KIF3B: variants seen among roughly 807,000 people sequenced by gnomAD.
KIF3B encodes the protein kinesin-like protein KIF3B.
A neutral mutation model predicts 74.3 loss-of-function variants in KIF3B; 38 were observed. That is an observed-to-expected ratio of 0.51 (90% CI 0.39 to 0.67). The LOEUF is 0.67. Ranked by LOEUF, KIF3B falls within the 30% of genes least tolerant of loss-of-function variation. KIF3B has a pLI of 0.00. For synonymous variants in KIF3B, 326 were observed against 342.5 expected (o/e 0.95, Z 0.53); for missense variants, 649 against 932.0 (o/e 0.70, Z 3.95).
chr20:32,298,124 T>C (rs1256622402), intron 1 of KIF3B, among the ~76,000 whole-genome samples: 1 of 121,872 alleles, frequency 8.2e-6, no homozygotes, highest in East Asian at 4.9e-4. Context: ...AAAAAAAAAT[T>C]GTTGTTTTTT....
intron 1 of KIF3B, among the ~76,000 whole-genome samples, chr20:32,308,778 C>T (rs1475785964): frequency 5.5e-5 from 8 of 146,444 alleles, no homozygotes; most frequent in African/African-American, 1.0e-4. Context: ...CAGGCTGGAG[C>T]GCAGTGCCAG....
At chr20:32,282,345 A>G (rs1474905763) in intron 1 of KIF3B, among the ~76,000 whole-genome samples, 1 of 152,200 alleles carries the variant, frequency 6.6e-6, no homozygotes, top group Non-Finnish European at 1.5e-5. Flanking sequence ...TAGAGATGCC[A>G]TCTGCCTCTG....
Position 32,331,512 on chromosome 20 carries a change from A to G in KIF3B, c.*193A>G. ...TAATCTGGCACTCAGCCCCTCTGGG[A>G]AACATCTTTTAATTAGCATCTCAGA... On this transcript the variant is annotated 3_prime_UTR_variant, in exon 9 of 9. Coordinates refer to ENST00000375712, the MANE Select transcript of KIF3B (RefSeq NM_004798.4). 3 of 558,270 alleles carry G rather than the reference A, an allele frequency of 5.4e-6. No homozygotes were observed. The highest frequency in any genetic ancestry group is 9.3e-6 in the Non-Finnish European group (3 of 321,704). The allele number at this position is 558,270 out of a possible 1,614,324, so 34.6% of individuals were successfully genotyped here. A position where few individuals can be genotyped will look rare whatever the true frequency, so the allele number is the denominator to read the frequency against.
chr20:32,307,681 G>T lies in KIF3B; in HGVS notation c.-65-2032G>T, dbSNP rs531956909. On this transcript the variant is annotated intron_variant, in intron 1 of 8. Coordinates refer to ENST00000375712, the MANE Select transcript of KIF3B (RefSeq NM_004798.4). Reference sequence around the variant, plus strand: ...ACTTTTTTTCATTTGTTTAAGAAAAGGTTTTTTTGGGAGGCCGAGGTGGGT... The same window carrying T: ...ACTTTTTTTCATTTGTTTAAGAAAATGTTTTTTTGGGAGGCCGAGGTGGGT... Among the ~76,000 whole-genome samples, 3 of 152,134 alleles carry T rather than the reference G, an allele frequency of 2.0e-5. No individual in the cohort carries two copies. In the South Asian group the frequency reaches 6.2e-4, roughly 32 times the overall value.
In KIF3B at chr20:32,319,276, C is replaced by T. The variant is rs144784704; in HGVS notation, c.1748+2402C>T. Among the ~76,000 whole-genome samples, 301 of 151,240 alleles carry T rather than the reference C, an allele frequency of 2.0e-3. 1 individual carries two copies. Among genetic ancestry groups the T allele is most frequent in the African/African-American group, 6.6e-3 (274 of 41,254 alleles). On this transcript the variant is annotated intron_variant, in intron 5 of 8. Transcript: ENST00000375712. ...ATGCCCGGCCTCTCCACATCCTTGT[C>T]GACACTTGTTATTTCCTGTCTCTTT...
rs763152915 is a variant in KIF3B, at chr20:32,310,728, G to T, written c.951G>T (p.Val317=). 3 of 1,614,132 alleles carry T rather than the reference G, an allele frequency of 1.9e-6. No individual in the cohort carries two copies. Among genetic ancestry groups the T allele is most frequent in the East Asian group, 2.2e-5 (1 of 44,878 alleles). Residue 317 remains valine, a synonymous_variant, in exon 2 of 9, where the codon GTG becomes GTT. Transcript: ENST00000375712. The surrounding 1 kb of genome is among the most constrained non-coding windows in gnomAD (Gnocchi z 6.5). ...GNAKTVMVAN[V]GPASYNVEET... ...CCAAGACTGTGATGGTGGCCAACGT[G>T]GGGCCTGCCTCTTACAACGTAGAAG... is the stretch of plus-strand genomic sequence containing the variant.
chr20:32,319,253 G>A (rs369017131), intron 5 of KIF3B, among the ~76,000 whole-genome samples: 1 of 152,046 alleles, frequency 6.6e-6, no homozygotes, highest in East Asian at 1.9e-4. Flanking sequence ...GAGCCACCAT[G>A]CCCGGCCTCT....
chr20:32,283,228 G>A (rs1004781881), intron 1 of KIF3B, among the ~76,000 whole-genome samples: 3 of 152,200 alleles, frequency 2.0e-5, no homozygotes, highest in East Asian at 3.9e-4. Flanking sequence ...TTTTGGGGAC[G>A]GGTGTGGTGG....
In KIF3B at chr20:32,316,301, A is replaced by G; in HGVS notation, c.1488A>G (p.Arg496=). The G allele has an allele frequency of 6.2e-7, 1 of 1,612,710 alleles. No homozygotes were observed. Among genetic ancestry groups the G allele is most frequent in the Non-Finnish European group, 8.5e-7 (1 of 1,178,634 alleles). The change falls in exon 3 of 9, where the codon CGA becomes CGG. Residue 496 remains arginine, a synonymous_variant. Transcript: ENST00000375712. ...AGCAGAAAATCCTGGAGCAGAAACG[A>G]CAGGAAATTGCAGAGCAGGTAACTT... ...NEQQKILEQK[R]QEIAEQKRRE...
chr20:32,295,355 C>T (rs9941741), intron 1 of KIF3B, among the ~76,000 whole-genome samples: 12,645 of 151,072 alleles, frequency 0.084, 936 homozygotes, highest in African/African-American at 0.2. Flanking sequence ...TGCAGTGGTG[C>T]GATCTCAGCT....
rs1341876511 is a variant in KIF3B, at chr20:32,323,168, ATATT to A, written c.1749-3599_1749-3596del. 6.1e-3 allele frequency among the ~76,000 whole-genome samples: 557 copies of A among 91,118 alleles called. 4 individuals are homozygous for A. Among genetic ancestry groups the A allele is most frequent in the African/African-American group, 0.02 (542 of 27,552 alleles). 59.8% of individuals were successfully genotyped at this position (91,118 alleles called of 152,430 possible). On this transcript the variant is annotated intron_variant, in intron 5 of 8. Transcript: ENST00000375712. ...TTTATATATTTATATTTATATATTTATATTTATATATTTATATATATTTATATTT... is the reference window on the plus strand; with the variant it reads ...TTTATATATTTATATTTATATATTTATATATATTTATATATATTTATATTT...
Position 32,316,785 on chromosome 20 carries a change from T to G in KIF3B, c.1659T>G (p.Ala553=), listed in dbSNP as rs1179197223. 6.2e-7 allele frequency: 1 copy of G among 1,613,972 alleles called. No individual in the cohort carries two copies. The highest frequency in any genetic ancestry group is 1.3e-5 in the African/African-American group (1 of 74,920). ...KLFSKLQAVK[A]EIHDLQEEHI... ...TCTCCAAGCTTCAGGCAGTGAAGGCTGAGATCCATGACCTCCAAGAAGAAC... is the reference window on the plus strand; with the variant it reads ...TCTCCAAGCTTCAGGCAGTGAAGGCGGAGATCCATGACCTCCAAGAAGAAC... Residue 553 remains alanine (A), a synonymous_variant, in exon 5 of 9, where the codon GCT becomes GCG. Transcript: ENST00000375712.
intron 1 of KIF3B, among the ~76,000 whole-genome samples, chr20:32,290,153 C>A (rs1458280969): frequency 1.3e-5 from 2 of 152,136 alleles, no homozygotes; most frequent in African/African-American, 2.4e-5. Context: ...GAGGCCGAGG[C>A]AGGTAGAACA....
chr20:32,292,832 G>A (rs1465564056), intron 1 of KIF3B, among the ~76,000 whole-genome samples: 1 of 152,162 alleles, frequency 6.6e-6, no homozygotes, highest in Non-Finnish European at 1.5e-5. Context: ...ACCTCTGGGA[G>A]TGGATCCTAC....
At chr20:32,328,120 A>G (rs1376831006) in intron 7 of KIF3B, among the ~76,000 whole-genome samples, 1 of 151,746 alleles carries the variant, frequency 6.6e-6, no homozygotes, top group African/African-American at 2.4e-5. Context: ...ATAAGTAAAT[A>G]TAATAAAAAT....
chr20:32,329,996 A>G (rs2047922448), intron 7 of KIF3B, 145 bp from the exon 8 acceptor site: 1 of 646,108 alleles, frequency 1.5e-6, no homozygotes. Flanking sequence ...GTAAAACGGC[A>G]TCACTTCTTT....
chr20:32,295,598 TATGTTTACA>T (rs908101071), intron 1 of KIF3B, among the ~76,000 whole-genome samples: 1 of 152,000 alleles, frequency 6.6e-6, no homozygotes, highest in Non-Finnish European at 1.5e-5. Context: ...TGGCTGACCT[TATGTTTACA>T]AATAATGCCT....
In KIF3B at chr20:32,310,400, T is replaced by C. The variant is rs1289629914; in HGVS notation, c.623T>C (p.Met208Thr). 1 of 1,614,108 alleles carries C rather than the reference T, an allele frequency of 6.2e-7. No homozygotes were observed. Among genetic ancestry groups the C allele is most frequent in the African/African-American group, 1.3e-5 (1 of 74,946 alleles). ...AACCGTTCTGTCGGTGCTACCAACA[T>C]GAACGAGCACAGCTCGCGTTCTCAT... ...NQNRSVGATNMNEHSSRSHAI... is the reference protein window; with the variant it reads ...NQNRSVGATNTNEHSSRSHAI... The change falls in exon 2 of 9, where the codon ATG (methionine) becomes ACG (threonine). Residue 208 changes from methionine to threonine, a missense_variant. Transcript: ENST00000375712. The surrounding 1 kb of genome is among the most constrained non-coding windows in gnomAD (Gnocchi z 6.5).
chr20:32,291,297 G>A (rs990604177), intron 1 of KIF3B, among the ~76,000 whole-genome samples: 2 of 151,924 alleles, frequency 1.3e-5, no homozygotes, highest in Non-Finnish European at 2.9e-5. Context: ...TAAATGATAA[G>A]CCATTGGTTA....
Sources: gnomAD v4.1 joint callset for allele counts (sites outside exome capture counted in the v4.1 genomes callset) on GRCh38, gnomAD v4.1.1 for gene constraint, Gnocchi (gnomAD v3.1) non-coding constraint, MANE v1.5 for transcripts, NCBI Gene and HGNC (gene_info 2026-07-23, HGNC 2026-07-21) for gene names.